Variants in CATSPERD observed in about 807,000 individuals in gnomAD.
The protein encoded by CATSPERD is cation channel sperm-associated auxiliary subunit delta.
CATSPERD carries 86 observed loss-of-function variants against 98.1 expected under a neutral mutation model. The observed-to-expected ratio is 0.88, with a 90% CI of 0.74 to 1.05. The LOEUF (loss-of-function observed/expected upper bound fraction) is 1.05, where lower values mean the gene tolerates loss of function less well. CATSPERD is among the 50% of genes least tolerant of loss of function. The pLI is 0.00. For missense variants in CATSPERD, 995 were observed against 1,005.7 expected, an observed-to-expected ratio of 0.99 and a Z score of 0.14; for synonymous variants, 394 against 390.2, an observed-to-expected ratio of 1.01 and a Z score of -0.12.
chr19:5,768,120 G>T, intron 17 of CATSPERD, 48 bp from the exon 18 acceptor site: 1 of 1,557,300 alleles, frequency 6.4e-7, no homozygotes, highest in East Asian at 2.3e-5. Context: ...TAATGGTTTG[G>T]TTCTTTGTGA....
In CATSPERD at chr19:5,752,077, G is replaced by C. The variant is rs754737260; in HGVS notation, c.1164+254G>C. On this transcript the variant is annotated intron_variant, in intron 12 of 21. Coordinates refer to ENST00000381624, the MANE Select transcript of CATSPERD (RefSeq NM_152784.4). The stretch of plus-strand genomic sequence containing the variant: ...GGAGACTGAGTCTTTGGGAGACTGA[G>C]GCAGGTGGATCACTTGAGGTCAGGA... Among the ~76,000 whole-genome samples the C allele has an allele frequency of 2.6e-5, 4 of 152,236 alleles. No individual in the cohort carries two copies. In the East Asian group the frequency reaches 7.7e-4, roughly 29 times the overall value.
chr19:5,772,449 G>C, intron 19 of CATSPERD: 1 of 266,868 alleles, frequency 3.7e-6, no homozygotes, highest in Non-Finnish European at 7.4e-6. Flanking sequence ...AGATGGTCTC[G>C]ATCTCCTGAC....
intron 5 of CATSPERD, among the ~76,000 whole-genome samples, chr19:5,736,580 G>C (rs1405149627): frequency 6.6e-6 from 1 of 152,032 alleles, no homozygotes; most frequent in Non-Finnish European, 1.5e-5. Flanking sequence ...AGCCAGGCAT[G>C]GTGGTGGGCA....
At chr19:5,749,368 T>C (rs545253428) in intron 11 of CATSPERD, among the ~76,000 whole-genome samples, 185 bp downstream of exon 11, 1 of 152,088 alleles carries the variant, frequency 6.6e-6, no homozygotes, top group Non-Finnish European at 1.5e-5. Flanking sequence ...GGTGGGCACC[T>C]GTAATTCCAG....
intron 15 of CATSPERD, 82 bp from the exon 16 acceptor site, chr19:5,763,133 T>C: frequency 2.0e-6 from 2 of 1,013,088 alleles, no homozygotes; most frequent in Non-Finnish European, 1.6e-6. Context: ...GATGACTGAA[T>C]GGACTGAAGG....
At chr19:5,776,045 A>T in intron 20 of CATSPERD, 116 bp from the exon 21 acceptor site, 1 of 1,119,516 alleles carries the variant, frequency 8.9e-7, no homozygotes, top group Non-Finnish European at 1.3e-6. Context: ...CCAGAGTCCC[A>T]CCCATGCGTG....
intron 4 of CATSPERD, among the ~76,000 whole-genome samples, chr19:5,732,265 C>G (rs574816348): frequency 1.3e-5 from 2 of 152,076 alleles, no homozygotes; most frequent in Non-Finnish European, 2.9e-5. Flanking sequence ...GCCACCACGC[C>G]CAGCTTCAGG....
chr19:5,736,105 T>A (rs1018393064), intron 5 of CATSPERD, among the ~76,000 whole-genome samples: 3 of 151,252 alleles, frequency 2.0e-5, no homozygotes, highest in African/African-American at 7.3e-5. Flanking sequence ...AGAGACAGGG[T>A]TTCTCCATTT....
rs2055684202 is a variant in CATSPERD at position 5,730,048 on chromosome 19, G to A, written c.276+104G>A. On this transcript the variant is annotated intron_variant, in intron 4 of 21. Coordinates refer to ENST00000381624, the MANE Select transcript of CATSPERD (RefSeq NM_152784.4). ...CTGGTCTGTTTTTATTAGTTTAGAGGTTTATTTTACAATGTACCTCTTCAA... is the reference window on the plus strand; with the variant it reads ...CTGGTCTGTTTTTATTAGTTTAGAGATTTATTTTACAATGTACCTCTTCAA... The A allele has an allele frequency of 1.3e-5, 9 of 717,494 alleles. No individual in the cohort carries two copies. The South Asian group carries it at 1.9e-4, about 15-fold the overall frequency. 44.4% of individuals were successfully genotyped at this position (717,494 alleles called of 1,614,324 possible). A position where few individuals can be genotyped will look rare whatever the true frequency, so the allele number is the denominator to read the frequency against.
intron 16 of CATSPERD, among the ~76,000 whole-genome samples, chr19:5,764,191 C>T (rs1050576818): frequency 1.3e-5 from 2 of 151,754 alleles, no homozygotes; most frequent in African/African-American, 2.4e-5. Flanking sequence ...GCCTCAGCCT[C>T]CCAAAGTGCT....
chr19:5,775,316 C>A (rs879549083), intron 20 of CATSPERD: 1 of 470,602 alleles, frequency 2.1e-6, no homozygotes, highest in Admixed American at 2.4e-5. Context: ...CCTCAAGCTT[C>A]CACAGACCTG....
At chr19:5,753,835 T>C (rs573049475) in intron 12 of CATSPERD, 1 of 331,186 alleles carries the variant, frequency 3.0e-6, no homozygotes, top group Non-Finnish European at 5.8e-6. Flanking sequence ...ATCAAACCAC[T>C]GCACTCCAGC....
At position 5,776,239 on chromosome 19, in the gene CATSPERD, C is replaced by G. The variant is rs553233604; in HGVS notation, c.2020C>G (p.Arg674Gly). Reference sequence around the variant, plus strand: ...CGTCCAGTATCAGATCTTGGGCGGCCGGACAGCAAACCAGATCATTTTCGG... The same window carrying G: ...CGTCCAGTATCAGATCTTGGGCGGCGGGACAGCAAACCAGATCATTTTCGG... ...PDVQYQILGG[R>G]TANQIIFGHN... Residue 674 changes from arginine to glycine, a missense_variant, in exon 21 of 22, where the codon CGG becomes GGG. By Grantham distance (125) the Arg-to-Gly change is moderately radical. Around this residue, in one of 3 missense-constraint regions of CATSPERD, gnomAD observed 762 missense variants for 773.7 expected, o/e 0.98. Transcript: ENST00000381624. 4.3e-6 allele frequency: 7 copies of G among 1,614,168 alleles called. No individual in the cohort carries two copies. The highest frequency in any genetic ancestry group is 5.9e-6 in the Non-Finnish European group (7 of 1,180,018).
At chr19:5,774,517 C>T (rs950225971) in intron 20 of CATSPERD, among the ~76,000 whole-genome samples, 3 of 149,738 alleles carry the variant, frequency 2.0e-5, no homozygotes, top group Admixed American at 6.7e-5. Flanking sequence ...GGCAAAACCC[C>T]GTCTCTACTA....
At chr19:5,763,102 A>AGATG (rs1240097110) in intron 15 of CATSPERD, 113 bp from the exon 16 acceptor site, 1 of 734,174 alleles carries the variant, frequency 1.4e-6, no homozygotes, top group African/African-American at 1.8e-5. Context: ...AGGATGGATG[A>AGATG]GATGGATGGA....
intron 6 of CATSPERD, among the ~76,000 whole-genome samples, chr19:5,737,573 G>A (rs908543710): frequency 5.4e-5 from 8 of 147,742 alleles, no homozygotes; most frequent in Non-Finnish European, 1.0e-4. Flanking sequence ...AAAAAGACTG[G>A]GCATGGTGGC....
In CATSPERD at chr19:5,772,931, A is replaced by G. The variant is rs1303830468; in HGVS notation, c.1907A>G (p.Lys636Arg). The G allele has an allele frequency of 6.2e-6, 10 of 1,613,920 alleles. No individual in the cohort carries two copies. Among genetic ancestry groups the G allele is most frequent in the Non-Finnish European group, 8.5e-6 (10 of 1,179,982 alleles). Residue 636 changes from lysine to arginine, a missense_variant, in exon 20 of 22, where the codon AAG (lysine) becomes AGG (arginine). Lys to Arg is a conservative substitution (Grantham distance 26). Around this residue, in one of 3 missense-constraint regions of CATSPERD, gnomAD observed 762 missense variants for 773.7 expected, o/e 0.98. Transcript: ENST00000381624. The stretch of plus-strand genomic sequence containing the variant: ...CCGCAGAACTGGACCACCATGATAA[A>G]GGAATTCGGGGGGCCCTTCTTCTGG... ...SQPQNWTTMI[K>R]EFGGPFFWNR...
chr19:5,773,600 T>C (rs891708611), intron 20 of CATSPERD, among the ~76,000 whole-genome samples: 19 of 151,908 alleles, frequency 1.3e-4, no homozygotes, highest in African/African-American at 4.4e-4. Flanking sequence ...CTCAGCTCAC[T>C]GAAGACTCAA....
intron 13 of CATSPERD, among the ~76,000 whole-genome samples, chr19:5,756,013 G>T (rs2056317563): frequency 6.6e-6 from 1 of 151,946 alleles, no homozygotes; most frequent in South Asian, 2.1e-4. Flanking sequence ...AGGCGCGGTG[G>T]CTCACGCCTG....
Sources: allele counts gnomAD v4.1 joint callset (sites outside exome capture counted in the v4.1 genomes callset), GRCh38; gene constraint gnomAD v4.1.1; regional missense constraint gnomAD v4.1.1; transcripts MANE v1.5; gene names NCBI Gene and HGNC (gene_info 2026-07-23, HGNC 2026-07-21).